INKA2: variants seen among roughly 807,000 people sequenced by gnomAD.
The protein encoded by INKA2 is inka box actin regulator 2.
A neutral mutation model predicts 9.8 loss-of-function variants in INKA2; 3 were observed. The observed-to-expected ratio is 0.31, with a 90% CI of 0.14 to 0.79. INKA2 has a LOEUF of 0.79. Among genes scored for constraint, INKA2 ranks in the 30% least tolerant of loss-of-function variants. The probability of loss-of-function intolerance (pLI) is 0.62; values close to 1 mark genes in which losing one functional copy is unlikely to be tolerated. For missense variants in INKA2, 392 were observed against 384.4 expected (o/e 1.02, Z -0.17); for synonymous variants, 147 against 143.3 (o/e 1.03, Z -0.18).
chr1:111,727,308 C>G lies in INKA2; in HGVS notation c.554G>C (p.Gly185Ala), dbSNP rs202157291. Residue 185 changes from glycine (G) to alanine (A), a missense_variant, in exon 2 of 2, where the codon GGG becomes GCG. Gly to Ala is a moderately conservative substitution (Grantham distance 60). Coordinates refer to ENST00000357260, the MANE Select transcript of INKA2 (RefSeq NM_019099.5). Reference sequence around the variant, plus strand: ...CTCTCCTTTGGGTTCACGTGCCCCCCCAGTCTCACCCTTCTCCCCACCCTT... The same window carrying G: ...CTCTCCTTTGGGTTCACGTGCCCCCGCAGTCTCACCCTTCTCCCCACCCTT... ...LEKGGEKGETGGAREPKGEKG... is the reference protein window; with the variant it reads ...LEKGGEKGETAGAREPKGEKG... 1 of 1,614,174 alleles carries G rather than the reference C, an allele frequency of 6.2e-7. No individual in the cohort carries two copies. Among genetic ancestry groups the G allele is most frequent in the Non-Finnish European group, 8.5e-7 (1 of 1,180,024 alleles).
rs1557908100 is a variant in INKA2 at position 111,727,011 on chromosome 1, T to C, written c.851A>G (p.His284Arg). The change falls in exon 2 of 2, where the codon CAC becomes CGC. Residue 284 changes from histidine (H) to arginine (R), a missense_variant. Physicochemically the swap from His to Arg is conservative, Grantham distance 29. Transcript: ENST00000357260. ...PPTSCPKALEHSPSGFDINTA... is the reference protein window; with the variant it reads ...PPTSCPKALERSPSGFDINTA... ...GTTAATATCAAATCCTGAGGGTGAG[T>C]GCTCCAGGGCCTTGGGGCAGCTTGT... is the stretch of plus-strand genomic sequence containing the variant. The C allele has an allele frequency of 5.6e-6, 9 of 1,613,730 alleles. No individual in the cohort carries two copies. Among genetic ancestry groups the C allele is most frequent in the Non-Finnish European group, 7.6e-6 (9 of 1,179,968 alleles).
intron 1 of INKA2, chr1:111,755,441 G>A: frequency 1.8e-6 from 1 of 546,792 alleles, no homozygotes; most frequent in Non-Finnish European, 3.2e-6. Context: ...CTCTCTGCCA[G>A]CACAGAGGAG....
At position 111,736,489 on chromosome 1, in the gene INKA2, A is replaced by G. The variant is rs141112606; in HGVS notation, c.57+2697T>C. 3.7e-3 allele frequency among the ~76,000 whole-genome samples: 571 copies of G among 152,358 alleles called. 3 individuals carry two copies. The highest frequency in any genetic ancestry group is 0.013 in the African/African-American group (527 of 41,588). ...GGAGCACAAAACACCCTTGACAAAG[A>G]TAATTTCACAACCTGTTAATGTTTT... On this transcript the variant is annotated intron_variant, in intron 1 of 1. Coordinates refer to ENST00000357260, the MANE Select transcript of INKA2 (RefSeq NM_019099.5).
chr1:111,737,431 A>G (rs937924480), intron 1 of INKA2, among the ~76,000 whole-genome samples: 7 of 152,020 alleles, frequency 4.6e-5, no homozygotes, highest in Non-Finnish European at 7.4e-5. Flanking sequence ...ACACCCACAA[A>G]CCCTCCATTA....
chr1:111,739,683 G>C (rs779516921), upstream of INKA2, among the ~76,000 whole-genome samples: 3 of 152,246 alleles, frequency 2.0e-5, no homozygotes, highest in Non-Finnish European at 4.4e-5. Context: ...GTCATAAAGG[G>C]AGAGCACAGT....
chr1:111,731,324 T>C (rs777058928), intron 1 of INKA2, among the ~76,000 whole-genome samples: 25 of 152,152 alleles, frequency 1.6e-4, no homozygotes, highest in Non-Finnish European at 2.9e-5. Context: ...CCTGGGCAAG[T>C]TATTTACATT....
chr1:111,731,623 C>A (rs1245090185), intron 1 of INKA2, among the ~76,000 whole-genome samples: 1 of 152,150 alleles, frequency 6.6e-6, no homozygotes, highest in Non-Finnish European at 1.5e-5. Flanking sequence ...AAGTGCTCGG[C>A]TAACAGGCGT....
rs191500934 is a variant in INKA2, at chr1:111,726,210, C to T, written c.*758G>A. The T allele has an allele frequency of 1.7e-4, 69 of 395,742 alleles. No individual in the cohort carries two copies. The East Asian group carries it at 2.4e-3, about 14-fold the overall frequency. 24.5% of individuals were successfully genotyped at this position (395,742 alleles called of 1,614,324 possible). ...TGGGATCATGCCTGCCTGCCTCGCTCACTTTCAAATGAGACCATGGAGATG... is the reference window on the plus strand; with the variant it reads ...TGGGATCATGCCTGCCTGCCTCGCTTACTTTCAAATGAGACCATGGAGATG... On this transcript the variant is annotated 3_prime_UTR_variant, in exon 2 of 2. Coordinates refer to ENST00000357260, the MANE Select transcript of INKA2 (RefSeq NM_019099.5).
Position 111,726,316 on chromosome 1 carries a change from C to T in INKA2, c.*652G>A. The T allele has an allele frequency of 2.7e-6, 1 of 369,710 alleles. No individual in the cohort carries two copies. Among genetic ancestry groups the T allele is most frequent in the South Asian group, 1.5e-4 (1 of 6,754 alleles). 22.9% of individuals were successfully genotyped at this position (369,710 alleles called of 1,614,324 possible). A position where few individuals can be genotyped will look rare whatever the true frequency, so the allele number is the denominator to read the frequency against. Reference sequence around the variant, plus strand: ...GAGACGCGGGGAGTGTCTAGGGCTTCCCTGGCTGCTCCTTACACACTGTAC... The same window carrying T: ...GAGACGCGGGGAGTGTCTAGGGCTTTCCTGGCTGCTCCTTACACACTGTAC... On this transcript the variant is annotated 3_prime_UTR_variant, in exon 2 of 2. Transcript: ENST00000357260.
chr1:111,729,212 TCTGA>T (rs1662853479), intron 1 of INKA2, among the ~76,000 whole-genome samples: 1 of 152,210 alleles, frequency 6.6e-6, no homozygotes, highest in Non-Finnish European at 1.5e-5. Context: ...GCTGTTCATA[TCTGA>T]CTGGTCAGAA....
At chr1:111,728,185 G>A (rs1385491030) in intron 1 of INKA2, among the ~76,000 whole-genome samples, 1 of 152,056 alleles carries the variant, frequency 6.6e-6, no homozygotes, top group Non-Finnish European at 1.5e-5. Context: ...TCAGCTTGAA[G>A]TGCACAAAGC....
chr1:111,735,409 C>T (rs1424798072), intron 1 of INKA2, among the ~76,000 whole-genome samples: 1 of 152,206 alleles, frequency 6.6e-6, no homozygotes, highest in Non-Finnish European at 1.5e-5. Context: ...CTTAAATTGT[C>T]ATTTAATCTT....
intron 1 of INKA2, among the ~76,000 whole-genome samples, chr1:111,729,841 T>C (rs963655592): frequency 3.0e-4 from 45 of 152,210 alleles, no homozygotes; most frequent in African/African-American, 1.0e-3. Flanking sequence ...CTGGGGGGGA[T>C]GGGAGATTCC....
intron 1 of INKA2, among the ~76,000 whole-genome samples, chr1:111,751,894 C>A (rs183376666): frequency 6.6e-6 from 1 of 151,904 alleles, no homozygotes; most frequent in Non-Finnish European, 1.5e-5. Flanking sequence ...CCTCTCAAAT[C>A]AGTGTACAGC....
intron 1 of INKA2, among the ~76,000 whole-genome samples, chr1:111,733,648 C>T (rs1305801572): frequency 6.6e-6 from 1 of 152,190 alleles, no homozygotes; most frequent in African/African-American, 2.4e-5. Context: ...ATCCCACCAT[C>T]CTGGACTTCC....
In INKA2 at chr1:111,745,289, A is replaced by ATTT. The variant is rs1381242388; in HGVS notation, n.124+10411_124+10412insAAA. On this transcript the variant is annotated intron_variant and non_coding_transcript_variant, in intron 1 of 1. Coordinates refer to the INKA2 transcript ENST00000444059. ...ATTATATATATATATATATATATAT[A>ATTT]TATATTTTTTTTTTTTTTTTTTTTT... is the stretch of plus-strand genomic sequence containing the variant. The ATTT allele has an allele frequency of 1.7e-4, 9 of 52,676 alleles. 1 individual carries two copies. The highest frequency in any genetic ancestry group is 8.7e-4 in the East Asian group (2 of 2,304). 3.3% of individuals were successfully genotyped at this position (52,676 alleles called of 1,614,324 possible). A position where few individuals can be genotyped will look rare whatever the true frequency, so the allele number is the denominator to read the frequency against.
chr1:111,755,028 G>A (rs1395774524), intron 1 of INKA2: 1 of 147,720 alleles, frequency 6.8e-6, no homozygotes, highest in Non-Finnish European at 1.5e-5. Context: ...AAGGAAAAGT[G>A]GCAGAGACTG....
chr1:111,743,468 A>G (rs1663189559), upstream of INKA2, among the ~76,000 whole-genome samples: 1 of 152,158 alleles, frequency 6.6e-6, no homozygotes, highest in African/African-American at 2.4e-5. Flanking sequence ...CCTTTGTCCC[A>G]CTGCCAGAGC....
chr1:111,755,618 C>T, intron 1 of INKA2: 1 of 1,553,702 alleles, frequency 6.4e-7, no homozygotes, highest in African/African-American at 1.4e-5. Context: ...TGGGCGGCTC[C>T]GCCCAGAAGA....
Sources: allele counts gnomAD v4.1 joint callset (sites outside exome capture counted in the v4.1 genomes callset), GRCh38; gene constraint gnomAD v4.1.1; transcripts MANE v1.5; gene names NCBI Gene and HGNC (gene_info 2026-07-23, HGNC 2026-07-21).